Variants in UHMK1 observed in about 807,000 individuals in gnomAD.
UHMK1 encodes the protein serine/threonine-protein kinase Kist.
A neutral mutation model predicts 44.0 loss-of-function variants in UHMK1; 18 were observed. The observed-to-expected ratio is 0.41, with a 90% CI of 0.28 to 0.61. The LOEUF (loss-of-function observed/expected upper bound fraction) is 0.61, where lower values mean the gene tolerates loss of function less well. UHMK1 is among the 20% of genes least tolerant of loss of function. UHMK1 has a pLI of 0.31. For synonymous variants in UHMK1, 231 were observed against 198.5 expected (o/e 1.16, Z -1.38); for missense variants, 463 against 522.5 (o/e 0.89, Z 1.11).
chr1:162,509,947 G>T (rs981060239), intron 4 of UHMK1, among the ~76,000 whole-genome samples: 1 of 152,102 alleles, frequency 6.6e-6, no homozygotes, highest in African/African-American at 2.4e-5. Flanking sequence ...GCCTGGCCTA[G>T]TTTTTGTTTT....
intron 6 of UHMK1, among the ~76,000 whole-genome samples, chr1:162,517,052 A>G (rs1291599712): frequency 6.6e-6 from 1 of 152,238 alleles, no homozygotes; most frequent in Non-Finnish European, 1.5e-5. Flanking sequence ...TAATCCCAAC[A>G]CTTTGGGAGG....
rs41271975 is a variant in UHMK1, at chr1:162,523,015, A to C, written c.*465A>C. ...CTGGATGCTCTCAGTAATGTTAAGT[A>C]ATTGTCAAGCAGCAGTTACCTACTG... On this transcript the variant is annotated 3_prime_UTR_variant, in exon 8 of 8. Transcript: ENST00000489294. 5.7e-3 allele frequency: 901 copies of C among 157,432 alleles called. 5 individuals are homozygous for C. The highest frequency in any genetic ancestry group is 0.03 in the Middle Eastern group (9 of 298). 9.8% of individuals were successfully genotyped at this position (157,432 alleles called of 1,614,324 possible). A position where few individuals can be genotyped will look rare whatever the true frequency, so the allele number is the denominator to read the frequency against.
chr1:162,518,070 G>A, intron 6 of UHMK1, 32 bp from the exon 7 acceptor site: 1 of 1,446,006 alleles, frequency 6.9e-7, no homozygotes, highest in Non-Finnish European at 9.7e-7. Flanking sequence ...TATTATATCA[G>A]AGCAGTTACT....
rs1652146451 is a variant in UHMK1, at chr1:162,523,839, G to T, written c.*1289G>T. On this transcript the variant is annotated 3_prime_UTR_variant, in exon 8 of 8. Coordinates refer to ENST00000489294, the MANE Select transcript of UHMK1 (RefSeq NM_175866.5). ...TTAAGAAAGGTGTAGATATAATGAG[G>T]TAGAAGTAGAAAGGAAGAAAAACTC... 1 of 151,738 alleles carries T rather than the reference G, an allele frequency of 6.6e-6. No homozygotes were observed. The allele number at this position is 151,738 out of a possible 1,614,324, so 9.4% of individuals were successfully genotyped here. A position where few individuals can be genotyped will look rare whatever the true frequency, so the allele number is the denominator to read the frequency against.
chr1:162,522,417 A>T lies in UHMK1; in HGVS notation c.1127A>T (p.Tyr376Phe). The T allele has an allele frequency of 6.2e-7, 1 of 1,614,144 alleles. No homozygotes were observed. Among genetic ancestry groups the T allele is most frequent in the Non-Finnish European group, 8.5e-7 (1 of 1,180,016 alleles). The change falls in exon 8 of 8, where the codon TAT becomes TTT. Residue 376 changes from tyrosine to phenylalanine, a missense_variant. Tyr to Phe is a conservative substitution (Grantham distance 22, BLOSUM62 3). Coordinates refer to ENST00000489294, the MANE Select transcript of UHMK1 (RefSeq NM_175866.5). ...NPGRGQVFVE[Y>F]ANAGDSKAAQ... is the part of the protein sequence containing the mutation. The stretch of plus-strand genomic sequence containing the variant: ...GTCTTCTTTCAGGTCTTTGTTGAGT[A>T]TGCAAATGCTGGTGATTCCAAAGCT...
chr1:162,526,524 A>G lies in UHMK1; in HGVS notation c.*3974A>G, dbSNP rs1413343833. 2 of 152,088 alleles carry G rather than the reference A, an allele frequency of 1.3e-5. No homozygotes were observed. Among genetic ancestry groups the G allele is most frequent in the Non-Finnish European group, 2.9e-5 (2 of 67,980 alleles). The allele number at this position is 152,088 out of a possible 1,614,324, so 9.4% of individuals were successfully genotyped here. On this transcript the variant is annotated 3_prime_UTR_variant, in exon 8 of 8. Transcript: ENST00000489294. The stretch of plus-strand genomic sequence containing the variant: ...AAGCAAGTGCCTTGTGTTTGCTGGA[A>G]AATATTAAAACTCATTTGGGTGAAA...
At chr1:162,517,483 A>C (rs1426299701) in intron 6 of UHMK1, among the ~76,000 whole-genome samples, 1 of 152,202 alleles carries the variant, frequency 6.6e-6, no homozygotes, top group Non-Finnish European at 1.5e-5. Context: ...AAATGAGAAA[A>C]TTTTATGTGA....
At chr1:162,507,100 A>G (rs1368777839) in intron 4 of UHMK1, among the ~76,000 whole-genome samples, 2 of 150,424 alleles carry the variant, frequency 1.3e-5, no homozygotes, top group East Asian at 3.9e-4. Flanking sequence ...TTTGCCTTAT[A>G]TTCAATGTTG....
chr1:162,529,424 T>G lies in UHMK1; in HGVS notation c.*6874T>G, dbSNP rs781112282. The G allele has an allele frequency of 6.6e-6, 1 of 152,208 alleles. No individual in the cohort carries two copies. Among genetic ancestry groups the G allele is most frequent in the African/African-American group, 2.4e-5 (1 of 41,474 alleles). 9.4% of individuals were successfully genotyped at this position (152,208 alleles called of 1,614,324 possible). A position where few individuals can be genotyped will look rare whatever the true frequency, so the allele number is the denominator to read the frequency against. The stretch of plus-strand genomic sequence containing the variant: ...AACTTTTATTTTCCACTTTCCTATA[T>G]TCCTAAAAAGTGTGAACAATGCGTT... On this transcript the variant is annotated 3_prime_UTR_variant, in exon 8 of 8. Transcript: ENST00000489294.
chr1:162,499,053 G>C (rs1245875968), intron 1 of UHMK1, among the ~76,000 whole-genome samples: 1 of 152,066 alleles, frequency 6.6e-6, no homozygotes, highest in East Asian at 1.9e-4. Context: ...TATAACCTTG[G>C]TATTGAAAAG....
Position 162,512,724 on chromosome 1 carries a change from G to C in UHMK1, c.926-1G>C, listed in dbSNP as rs1490803741. On this transcript the variant is annotated splice_acceptor_variant, in intron 5 of 7. Coordinates refer to ENST00000489294, the MANE Select transcript of UHMK1 (RefSeq NM_175866.5). LOFTEE classifies it high-confidence loss of function. The stretch of plus-strand genomic sequence containing the variant: ...AACCATATTATGATGAATTTTAACA[G>C]CCCCTCATATTGAAGATCTGGTCAT... 3 of 1,613,734 alleles carry C rather than the reference G, an allele frequency of 1.9e-6. No individual in the cohort carries two copies. Among genetic ancestry groups the C allele is most frequent in the Non-Finnish European group, 2.5e-6 (3 of 1,179,818 alleles).
rs1652353275 is a variant in UHMK1 at position 162,529,087 on chromosome 1, C to G, written c.*6537C>G. The G allele has an allele frequency of 6.6e-6, 1 of 152,076 alleles. No individual in the cohort carries two copies. The highest frequency in any genetic ancestry group is 1.5e-5 in the Non-Finnish European group (1 of 67,968). 9.4% of individuals were successfully genotyped at this position (152,076 alleles called of 1,614,324 possible). A position where few individuals can be genotyped will look rare whatever the true frequency, so the allele number is the denominator to read the frequency against. On this transcript the variant is annotated 3_prime_UTR_variant, in exon 8 of 8. Transcript: ENST00000489294. ...ACCAAAGCCAGTTACAAGGAGTAAT[C>G]TCTCCTGTTGGTTTACCTTCACCTC...
chr1:162,503,826 C>T lies in UHMK1; in HGVS notation c.826C>T (p.His276Tyr). 6.2e-7 allele frequency: 1 copy of T among 1,614,100 alleles called. No individual in the cohort carries two copies. Among genetic ancestry groups the T allele is most frequent in the Non-Finnish European group, 8.5e-7 (1 of 1,179,988 alleles). ...AVVNAAIPAY[H>Y]LRDLIKSMLH... Reference sequence around the variant, plus strand: ...GGTGAATGCCGCAATTCCAGCCTATCACCTAAGAGACCTTATCAAAAGGTA... The same window carrying T: ...GGTGAATGCCGCAATTCCAGCCTATTACCTAAGAGACCTTATCAAAAGGTA... The change falls in exon 4 of 8, where the codon CAC (histidine) becomes TAC (tyrosine). Residue 276 changes from histidine to tyrosine, a missense_variant. Physicochemically the swap from His to Tyr is moderately conservative, Grantham distance 83. Coordinates refer to ENST00000489294, the MANE Select transcript of UHMK1 (RefSeq NM_175866.5).
At chr1:162,499,874 C>A in intron 1 of UHMK1, 81 bp from the exon 2 acceptor site, 1 of 1,353,238 alleles carries the variant, frequency 7.4e-7, no homozygotes, top group African/African-American at 1.5e-5. Flanking sequence ...TAGACTATCT[C>A]AAATTTGTAC....
intron 6 of UHMK1, among the ~76,000 whole-genome samples, chr1:162,517,257 C>A (rs938259724): frequency 2.0e-5 from 3 of 152,062 alleles, no homozygotes; most frequent in Non-Finnish European, 4.4e-5. Flanking sequence ...CGAGATCGTG[C>A]CACTACACTC....
At chr1:162,498,675 G>GCTCACCTATTATA (rs1398140573) in intron 1 of UHMK1, among the ~76,000 whole-genome samples, 3 of 152,150 alleles carry the variant, frequency 2.0e-5, no homozygotes, top group African/African-American at 7.2e-5. Flanking sequence ...CTAGTAACTC[G>GCTCACCTATTATA]TATAGCTCAC....
At position 162,522,821 on chromosome 1, in the gene UHMK1, A is replaced by G; in HGVS notation, c.*271A>G. 3.5e-6 allele frequency: 1 copy of G among 288,090 alleles called. No homozygotes were observed. Among genetic ancestry groups the G allele is most frequent in the East Asian group, 6.2e-5 (1 of 16,148 alleles). The allele number at this position is 288,090 out of a possible 1,614,324, so 17.8% of individuals were successfully genotyped here. ...GGGAGAGCAGGTGTTGCTCTTCAGT[A>G]TGTAGCCTAAAAAAATCTTAATTAT... On this transcript the variant is annotated 3_prime_UTR_variant, in exon 8 of 8. Coordinates refer to ENST00000489294, the MANE Select transcript of UHMK1 (RefSeq NM_175866.5).
Position 162,512,662 on chromosome 1 carries a change from T to C in UHMK1, c.926-63T>C, listed in dbSNP as rs554031980. ...ACTAATTTATATTCACAAGTTCCTT[T>C]ATCTGGTGTTCAACTTATTTGGGGG... is the stretch of plus-strand genomic sequence containing the variant. On this transcript the variant is annotated intron_variant, in intron 5 of 7. Coordinates refer to ENST00000489294, the MANE Select transcript of UHMK1 (RefSeq NM_175866.5). 4 of 1,603,238 alleles carry C rather than the reference T, an allele frequency of 2.5e-6. No homozygotes were observed. The East Asian group carries it at 6.7e-5, about 27-fold the overall frequency.
Position 162,512,803 on chromosome 1 carries a change from A to G in UHMK1, c.1004A>G (p.Glu335Gly), listed in dbSNP as rs1028796043. ...AATGTGCTGGATGATGATTATCTTG[A>G]GAATGAAGAGGAATATGAAGGTTAG... ...LLNVLDDDYL[E>G]NEEEYEDVVE... Residue 335 changes from glutamate (E) to glycine (G), a missense_variant, in exon 6 of 8, where the codon GAG becomes GGG. Glu to Gly is a moderately conservative substitution (Grantham distance 98). Coordinates refer to ENST00000489294, the MANE Select transcript of UHMK1 (RefSeq NM_175866.5). The G allele has an allele frequency of 6.2e-7, 1 of 1,614,044 alleles. No individual in the cohort carries two copies. Among genetic ancestry groups the G allele is most frequent in the Non-Finnish European group, 8.5e-7 (1 of 1,180,022 alleles).
Sources: allele counts gnomAD v4.1 joint callset (sites outside exome capture counted in the v4.1 genomes callset), GRCh38; gene constraint gnomAD v4.1.1; transcripts MANE v1.5; gene names NCBI Gene and HGNC (gene_info 2026-07-23, HGNC 2026-07-21).